The following MARCHF1 variants were observed in gnomAD, a reference collection of about 807,000 sequenced individuals.
MARCHF1 encodes E3 ubiquitin-protein ligase MARCHF1.
Under a neutral mutation model 54.2 loss-of-function variants are expected in MARCHF1, and 40 were observed. That is an observed-to-expected ratio of 0.74 (90% CI 0.57 to 0.96). The LOEUF (loss-of-function observed/expected upper bound fraction) is 0.96, where lower values mean the gene tolerates loss of function less well. Among genes scored for constraint, MARCHF1 ranks in the 40% least tolerant of loss-of-function variants. MARCHF1 has a pLI of 0.00. For synonymous variants in MARCHF1, 236 were observed against 236.3 expected, an observed-to-expected ratio of 1.00 and a Z score of 0.01; for missense variants, 586 against 656.5, an observed-to-expected ratio of 0.89 and a Z score of 1.17.
At chr4:164,211,003 A>G (rs1731748782) in intron 1 of MARCHF1, among the ~76,000 whole-genome samples, 1 of 152,078 alleles carries the variant, frequency 6.6e-6, no homozygotes, top group African/African-American at 2.4e-5. Context: ...ATCTAAAAAG[A>G]GTAAAATTCA....
chr4:163,578,859 T>C (rs1740124612), intron 8 of MARCHF1, among the ~76,000 whole-genome samples: 1 of 152,194 alleles, frequency 6.6e-6, no homozygotes, highest in South Asian at 2.1e-4. Flanking sequence ...ATATGGTATA[T>C]AATACAGTAA....
chr4:163,567,115 C>A (rs1007122497), intron 8 of MARCHF1, among the ~76,000 whole-genome samples: 17 of 152,088 alleles, frequency 1.1e-4, no homozygotes, highest in African/African-American at 1.4e-4. Flanking sequence ...GCACGTGTAT[C>A]CCAGAACTTA....
intron 1 of MARCHF1, among the ~76,000 whole-genome samples, chr4:164,345,498 A>G (rs1372719161): frequency 6.6e-6 from 1 of 151,774 alleles, no homozygotes; most frequent in Non-Finnish European, 1.5e-5. Context: ...TTCAACCCAG[A>G]GGTAGAGGCT....
chr4:164,039,928 C>T lies in MARCHF1; in HGVS notation c.-247-51219G>A, dbSNP rs559235792. On this transcript the variant is annotated intron_variant, in intron 2 of 9. Transcript: ENST00000514618. ...CAAAGTAAAATAGGCCAAGAAAATG[C>T]ATATTCATCTTGGATAAAATAAATT... Among the ~76,000 whole-genome samples, 66 of 148,792 alleles carry T rather than the reference C, an allele frequency of 4.4e-4. 3 individuals carry two copies. In the South Asian group the frequency reaches 0.014, roughly 31 times the overall value.
chr4:163,710,504 TA>T (rs1332117147), intron 4 of MARCHF1, among the ~76,000 whole-genome samples: 1 of 152,106 alleles, frequency 6.6e-6, no homozygotes, highest in Non-Finnish European at 1.5e-5. Flanking sequence ...CTTTTCTCCC[TA>T]AAAAATATTA....
At chr4:163,703,713 T>C (rs536891443) in intron 4 of MARCHF1, among the ~76,000 whole-genome samples, 21 of 152,224 alleles carry the variant, frequency 1.4e-4, no homozygotes, top group Admixed American at 7.9e-4. Flanking sequence ...ATGTCATTCA[T>C]AGTATACAGA....
intron 4 of MARCHF1, among the ~76,000 whole-genome samples, chr4:163,807,092 A>T (rs1477459340): frequency 6.6e-6 from 1 of 152,188 alleles, no homozygotes; most frequent in African/African-American, 2.4e-5. Context: ...TTGGATCAAA[A>T]CACAGCACAA....
chr4:164,196,665 T>G (rs1731267789), intron 1 of MARCHF1, among the ~76,000 whole-genome samples: 3 of 152,224 alleles, frequency 2.0e-5, no homozygotes, highest in Admixed American at 2.0e-4. Context: ...AGGACTATAC[T>G]TAAAAGAATA....
At chr4:164,291,746 C>T (rs1361656582) in intron 1 of MARCHF1, among the ~76,000 whole-genome samples, 1 of 151,934 alleles carries the variant, frequency 6.6e-6, no homozygotes, top group East Asian at 1.9e-4. Flanking sequence ...ATTTGCATAT[C>T]TAAATATAGA....
chr4:164,298,931 T>C (rs2042510850), intron 1 of MARCHF1, among the ~76,000 whole-genome samples: 1 of 152,162 alleles, frequency 6.6e-6, no homozygotes, highest in Non-Finnish European at 1.5e-5. Context: ...TATGATTAAT[T>C]ATTTTTCAGG....
intron 7 of MARCHF1, among the ~76,000 whole-genome samples, chr4:163,587,837 G>A (rs6536737): frequency 0.48 from 71,731 of 150,320 alleles, 17,346 homozygotes; most frequent in African/African-American, 0.52. Context: ...CTACATAATT[G>A]CTTTTTTTGA....
intron 4 of MARCHF1, among the ~76,000 whole-genome samples, chr4:163,720,109 A>G (rs895797262): frequency 1.3e-5 from 2 of 152,132 alleles, no homozygotes; most frequent in Non-Finnish European, 2.9e-5. Flanking sequence ...GCCCACGCCT[A>G]TGTCCTGAAT....
At chr4:163,824,367 C>T (rs984598981) in intron 4 of MARCHF1, among the ~76,000 whole-genome samples, 1 of 150,650 alleles carries the variant, frequency 6.6e-6, no homozygotes, top group Non-Finnish European at 1.5e-5. Flanking sequence ...TTTGACAAAC[C>T]TGAGAAAAAC....
intron 4 of MARCHF1, among the ~76,000 whole-genome samples, chr4:163,733,258 T>TACACGTGTATATATATACAC (rs1554008882): frequency 2.2e-5 from 1 of 45,062 alleles, no homozygotes; most frequent in African/African-American, 6.6e-5. Flanking sequence ...TATATATATA[T>TACACGTGTATATATATACAC]ACACACACAC....
rs1731429974 is a variant in MARCHF1 at position 164,200,776 on chromosome 4, T to A, written c.-322-89114A>T. ...CAAAGTAGATAATTTCAGAAAGCAA[T>A]AAGTGCTAGGAAGTGAAGAAAACAG... On this transcript the variant is annotated intron_variant, in intron 1 of 9. Transcript: ENST00000514618. Among the ~76,000 whole-genome samples the A allele has an allele frequency of 2.0e-5, 3 of 151,994 alleles. No individual in the cohort carries two copies. In the South Asian group the frequency reaches 6.2e-4, roughly 32 times the overall value.
intron 3 of MARCHF1, among the ~76,000 whole-genome samples, chr4:163,889,900 A>C (rs1750617444): frequency 2.0e-5 from 3 of 149,916 alleles, no homozygotes; most frequent in Non-Finnish European, 4.4e-5. Context: ...ATTTATGTTA[A>C]ACTTCGTTTA....
chr4:164,126,698 C>T (rs138721375), intron 1 of MARCHF1, among the ~76,000 whole-genome samples: 4 of 152,180 alleles, frequency 2.6e-5, no homozygotes, highest in African/African-American at 9.6e-5. Flanking sequence ...TGGAAAAAGG[C>T]TTGAGTAATA....
intron 3 of MARCHF1, among the ~76,000 whole-genome samples, chr4:163,934,335 G>A (rs753774809): frequency 6.6e-6 from 1 of 151,908 alleles, no homozygotes; most frequent in Non-Finnish European, 1.5e-5. Context: ...GAGGCAGGAG[G>A]ATTGCTTGAG....
chr4:164,350,984 G>A (rs375364779), intron 1 of MARCHF1, among the ~76,000 whole-genome samples: 21 of 152,006 alleles, frequency 1.4e-4, no homozygotes, highest in East Asian at 1.2e-3. Context: ...CCCTTTCCGA[G>A]TCAAAGAAAG....
Sources: allele counts gnomAD v4.1 joint callset (sites outside exome capture counted in the v4.1 genomes callset), GRCh38; gene constraint gnomAD v4.1.1; transcripts MANE v1.5; gene names NCBI Gene and HGNC (gene_info 2026-07-23, HGNC 2026-07-21).